Variants in MMRN2 observed in about 807,000 individuals in gnomAD.
MMRN2 encodes multimerin 2, also known as multimerin-2.
In MMRN2, 53 loss-of-function variants were observed where a neutral mutation model predicts 68.8. The observed-to-expected ratio is 0.77, with a 90% confidence interval of 0.62 to 0.97. MMRN2 has a LOEUF of 0.97. MMRN2 is among the 50% of genes least tolerant of loss of function. The probability of loss-of-function intolerance (pLI) is 0.00; values close to 1 mark genes in which losing one functional copy is unlikely to be tolerated. For synonymous variants in MMRN2, 564 were observed against 551.6 expected (o/e 1.02, Z -0.32); for missense variants, 1,266 against 1,259.5 (o/e 1.01, Z -0.08).
rs1021062847 is a variant in MMRN2, at chr10:86,943,871, C to A, written c.913G>T (p.Gly305Cys). Reference protein sequence around the residue: ...AKVQENTQRVGQLRQDVEDRL... With the variant: ...AKVQENTQRVCQLRQDVEDRL... ...TCCTCCACGTCCTGTCGCAGCTGAC[C>A]CACTCTCTGAGTGTTCTCCTGGACC... The change falls in exon 6 of 7, where the codon GGT (glycine) becomes TGT (cysteine). Residue 305 changes from glycine (G) to cysteine (C), a missense_variant. Physicochemically the swap from Gly to Cys is radical, Grantham distance 159. Transcript: ENST00000372027. The surrounding 1 kb of genome is among the most constrained non-coding windows in gnomAD (Gnocchi z 4.2). 5.6e-6 allele frequency: 9 copies of A among 1,613,888 alleles called. No individual in the cohort carries two copies. Among genetic ancestry groups the A allele is most frequent in the Non-Finnish European group, 7.6e-6 (9 of 1,180,030 alleles).
At chr10:86,947,449 C>T (rs2133682418) in intron 1 of MMRN2, among the ~76,000 whole-genome samples, 1 of 152,050 alleles carries the variant, frequency 6.6e-6, no homozygotes, top group East Asian at 1.9e-4. Flanking sequence ...CTTGCTGCAA[C>T]CTCCACCTCC....
chr10:86,954,555 C>T (rs1376691696), intron 1 of MMRN2, among the ~76,000 whole-genome samples: 1 of 152,184 alleles, frequency 6.6e-6, no homozygotes, highest in East Asian at 1.9e-4. Flanking sequence ...CCAGGAAACG[C>T]CCTCCCAGGG....
chr10:86,937,040 A>G lies in MMRN2; in HGVS notation c.2553T>C (p.Ile851=), dbSNP rs779022830. 4 of 1,614,070 alleles carry G rather than the reference A, an allele frequency of 2.5e-6. No homozygotes were observed. The Admixed American group carries it at 5.0e-5, about 20-fold the overall frequency. The change falls in exon 7 of 7, where the codon ATT becomes ATC. Residue 851 remains isoleucine, a synonymous_variant. Coordinates refer to ENST00000372027, the MANE Select transcript of MMRN2 (RefSeq NM_024756.3). Reference sequence around the variant, plus strand: ...CATGTTCAGGGAAGTAGCTGCTGCCAATGTTGATGTATGTGGTGTTGAACT... The same window carrying G: ...CATGTTCAGGGAAGTAGCTGCTGCCGATGTTGATGTATGTGGTGTTGAACT... The part of the protein sequence containing the change: ...TVKFNTTYIN[I]GSSYFPEHGY...
intron 6 of MMRN2, among the ~76,000 whole-genome samples, chr10:86,940,984 C>A (rs1686270140): frequency 6.6e-6 from 1 of 152,232 alleles, no homozygotes; most frequent in Admixed American, 6.5e-5. Flanking sequence ...CATGGAGGGC[C>A]TTCTGGAGGT....
rs770301024 is a variant in MMRN2 at position 86,943,364 on chromosome 10, T to C, written c.1420A>G (p.Thr474Ala). ...VERQLLELNL[T>A]LQHLQGGHAD... ...TGGCCACCCTGCAGGTGCTGCAGCG[T>C]GAGGTTGAGCTCCAGGAGCTGCCGC... The change falls in exon 6 of 7, where the codon ACG (threonine) becomes GCG (alanine). Residue 474 changes from threonine (T) to alanine (A), a missense_variant. Transcript: ENST00000372027. The surrounding 1 kb of genome is among the most constrained non-coding windows in gnomAD (Gnocchi z 4.2). 6.2e-7 allele frequency: 1 copy of C among 1,614,026 alleles called. No homozygotes were observed. The highest frequency in any genetic ancestry group is 1.7e-5 in the Admixed American group (1 of 60,018).
intron 6 of MMRN2, among the ~76,000 whole-genome samples, chr10:86,941,109 T>C (rs1843958392): frequency 2.0e-5 from 3 of 152,216 alleles, no homozygotes; most frequent in Admixed American, 6.5e-5. Flanking sequence ...GAGTGTGTCA[T>C]TGACCTGTTG....
rs1843884308 is a variant in MMRN2 at position 86,936,710 on chromosome 10, G to C, written c.*33C>G. The C allele has an allele frequency of 6.2e-7, 1 of 1,604,956 alleles. No homozygotes were observed. On this transcript the variant is annotated 3_prime_UTR_variant, in exon 7 of 7. Transcript: ENST00000372027. ...CCCCAGGCCGAGGAGAGCTGGGCGA[G>C]TCCATGATGTCTGATCAGATTGGGG...
At chr10:86,937,715 C>T (rs770744788) in intron 6 of MMRN2, among the ~76,000 whole-genome samples, 1 of 152,190 alleles carries the variant, frequency 6.6e-6, no homozygotes, top group Non-Finnish European at 1.5e-5. Context: ...CAGGCTGGGA[C>T]AGGAACACGG....
intron 1 of MMRN2, among the ~76,000 whole-genome samples, chr10:86,945,973 G>C (rs773796351): frequency 1.3e-5 from 2 of 152,220 alleles, no homozygotes; most frequent in African/African-American, 2.4e-5. Context: ...GTGAAAAGCA[G>C]CTCCAGGGTG....
Position 86,943,621 on chromosome 10 carries a change from GC to G in MMRN2, c.1162del (p.Ala388ProfsTer14). 1 of 1,613,780 alleles carries G rather than the reference GC, an allele frequency of 6.2e-7. No homozygotes were observed. Among genetic ancestry groups the G allele is most frequent in the Non-Finnish European group, 8.5e-7 (1 of 1,180,002 alleles). On this transcript the variant is annotated frameshift_variant, in exon 6 of 7. Coordinates refer to ENST00000372027, the MANE Select transcript of MMRN2 (RefSeq NM_024756.3). LOFTEE classifies it high-confidence loss of function. This position sits in a 1 kb window ranked among gnomAD's most constrained non-coding sequence, Gnocchi z 4.2. ...RNLSELHMTT[A>X]RREEELQYTL... ...GTACTGCAACTCCTCCTCCCTGCGG[GC>G]CGTGGTCATGTGCAGCTCTGAGAGG...
At chr10:86,939,851 G>T (rs1331970661) in intron 6 of MMRN2, among the ~76,000 whole-genome samples, 1 of 138,568 alleles carries the variant, frequency 7.2e-6, no homozygotes, top group Non-Finnish European at 1.6e-5. Flanking sequence ...GTGTGTGTGT[G>T]TGTGTGTGTG....
Position 86,936,622 on chromosome 10 carries a change from G to A in MMRN2, c.*121C>T. On this transcript the variant is annotated 3_prime_UTR_variant, in exon 7 of 7. Transcript: ENST00000372027. The stretch of plus-strand genomic sequence containing the variant: ...AAGCCACGTACACCACACCATCTTT[G>A]CAGAAGGTTTCCAGGGAAGAGACAG... 7.9e-7 allele frequency: 1 copy of A among 1,265,900 alleles called. No individual in the cohort carries two copies. Among genetic ancestry groups the A allele is most frequent in the Non-Finnish European group, 1.1e-6 (1 of 904,734 alleles). The allele number at this position is 1,265,900 out of a possible 1,614,324, so 78.4% of individuals were successfully genotyped here. A position where few individuals can be genotyped will look rare whatever the true frequency, so the allele number is the denominator to read the frequency against.
intron 3 of MMRN2, 29 bp from the exon 4 acceptor site, chr10:86,945,297 C>T (rs746923376): frequency 1.2e-6 from 2 of 1,612,110 alleles, no homozygotes; most frequent in East Asian, 2.2e-5. Context: ...GTTATTGACC[C>T]CAGTGGTCAG....
intron 6 of MMRN2, 76 bp from the exon 7 acceptor site, chr10:86,937,201 C>T (rs1297807134): frequency 1.3e-5 from 20 of 1,489,444 alleles, no homozygotes; most frequent in Middle Eastern, 2.0e-4. Context: ...TGAGACCTAC[C>T]GTCCTCACCT....
At chr10:86,945,520 C>T (rs371838562) in intron 2 of MMRN2, 41 bp downstream of exon 2, 83 of 1,561,328 alleles carry the variant, frequency 5.3e-5, no homozygotes, top group Admixed American at 2.3e-4. Flanking sequence ...AGGGAGGGCC[C>T]GCTCCAGGCC....
chr10:86,956,774 G>A (rs1002553132), intron 1 of MMRN2, among the ~76,000 whole-genome samples: 1 of 152,210 alleles, frequency 6.6e-6, no homozygotes, highest in Non-Finnish European at 1.5e-5. Context: ...AGATGAGGGG[G>A]GACTTACAGG....
Position 86,957,516 on chromosome 10 carries a change from A to G in MMRN2, c.26T>C (p.Leu9Pro). ...CAGCCCCCAGCCCAGGGGGCCCCCAAGGCTGAACAGCAAGCTCAGGATCAT... is the reference window on the plus strand; with the variant it reads ...CAGCCCCCAGCCCAGGGGGCCCCCAGGGCTGAACAGCAAGCTCAGGATCAT... MILSLLFSLGGPLGWGLLG... is the reference protein window; with the variant it reads MILSLLFSPGGPLGWGLLG... Residue 9 changes from leucine (L) to proline (P), a missense_variant, in exon 1 of 7, where the codon CTT (leucine) becomes CCT (proline). Physicochemically the swap from Leu to Pro is moderately conservative, Grantham distance 98 (BLOSUM62 -3). Coordinates refer to ENST00000372027, the MANE Select transcript of MMRN2 (RefSeq NM_024756.3). 1.2e-6 allele frequency: 2 copies of G among 1,612,080 alleles called. No homozygotes were observed. Among genetic ancestry groups the G allele is most frequent in the Non-Finnish European group, 8.5e-7 (1 of 1,179,650 alleles).
chr10:86,945,099 A>G, intron 4 of MMRN2, 89 bp downstream of exon 4: 2 of 1,151,478 alleles, frequency 1.7e-6, no homozygotes, highest in South Asian at 1.3e-5. Flanking sequence ...TTTCCCTGAA[A>G]TGGCACTGCT....
intron 6 of MMRN2, among the ~76,000 whole-genome samples, chr10:86,939,003 A>T (rs954562121): frequency 4.6e-5 from 7 of 151,390 alleles, no homozygotes; most frequent in Non-Finnish European, 2.9e-5. Context: ...TCTCTACTAA[A>T]AATACAAAAT....
Sources: gnomAD v4.1 joint callset for allele counts (sites outside exome capture counted in the v4.1 genomes callset) on GRCh38, gnomAD v4.1.1 for gene constraint, Gnocchi (gnomAD v3.1) non-coding constraint, MANE v1.5 for transcripts, NCBI Gene and HGNC (gene_info 2026-07-23, HGNC 2026-07-21) for gene names.